DHODH: variants seen among roughly 807,000 people sequenced by gnomAD.
The protein encoded by DHODH is dihydroorotate dehydrogenase (quinone), mitochondrial.
A neutral mutation model predicts 39.7 loss-of-function variants in DHODH; 30 were observed. The observed-to-expected ratio is 0.76, with a 90% CI of 0.57 to 1.02. The LOEUF (loss-of-function observed/expected upper bound fraction) is 1.02. Ranked by LOEUF, DHODH falls within the 50% of genes least tolerant of loss-of-function variation. DHODH has a pLI of 0.00. For synonymous variants in DHODH, 222 were observed against 213.8 expected (o/e 1.04, Z -0.34); for missense variants, 531 against 520.8 (o/e 1.02, Z -0.19).
At chr16:72,023,117 G>T in intron 6 of DHODH, 48 bp from the exon 7 acceptor site, 1 of 1,610,006 alleles carries the variant, frequency 6.2e-7, no homozygotes, top group Non-Finnish European at 8.5e-7. Flanking sequence ...GCGCCTCTGG[G>T]TCCTTCGGTG....
At chr16:72,009,304 C>A (rs2143964999) in intron 1 of DHODH, among the ~76,000 whole-genome samples, 1 of 150,422 alleles carries the variant, frequency 6.6e-6, no homozygotes, top group Non-Finnish European at 1.5e-5. Context: ...GAGATCGAGA[C>A]CATCCTGGCT....
intron 3 of DHODH, chr16:72,015,751 A>G (rs747276195): frequency 6.1e-6 from 6 of 985,426 alleles, no homozygotes; most frequent in Non-Finnish European, 7.2e-6. Context: ...TGCTACAGAT[A>G]ACTGCAGGTG....
intron 1 of DHODH, 28 bp from the exon 2 acceptor site, chr16:72,012,022 G>C (rs757996576): frequency 6.2e-7 from 1 of 1,607,478 alleles, no homozygotes; most frequent in African/African-American, 1.3e-5. Context: ...TGGCCTGGGG[G>C]ACCCCCCTAA....
intron 6 of DHODH, 32 bp from the exon 7 acceptor site, chr16:72,023,133 A>C (rs1200629784): frequency 6.2e-7 from 1 of 1,613,090 alleles, no homozygotes. Flanking sequence ...CGGTGCTATG[A>C]CTCATGGCTT....
rs1276695710 is a variant in DHODH at position 72,024,318 on chromosome 16, G to A, written c.*119G>A. The stretch of plus-strand genomic sequence containing the variant: ...AGCCATGTCCCCCAGCCATGGCATG[G>A]CTGCACTGTAAACGCCAATCGGGGG... On this transcript the variant is annotated 3_prime_UTR_variant, in exon 9 of 9. Coordinates refer to ENST00000219240, the MANE Select transcript of DHODH (RefSeq NM_001361.5). 1.8e-6 allele frequency: 2 copies of A among 1,134,988 alleles called. No homozygotes were observed. The highest frequency in any genetic ancestry group is 2.6e-6 in the Non-Finnish European group (2 of 757,910). The allele number at this position is 1,134,988 out of a possible 1,614,324, so 70.3% of individuals were successfully genotyped here. A position where few individuals can be genotyped will look rare whatever the true frequency, so the allele number is the denominator to read the frequency against.
chr16:72,009,135 C>A, intron 1 of DHODH: 1 of 1,197,978 alleles, frequency 8.3e-7, no homozygotes. Context: ...GGACATGCTC[C>A]CAACCCTTTT....
At chr16:72,009,233 G>A (rs896035373) in intron 1 of DHODH, 2 of 738,892 alleles carry the variant, frequency 2.7e-6, no homozygotes, top group African/African-American at 3.8e-5. Context: ...GCCGGGCGCG[G>A]TGGCTCACGC....
At chr16:72,023,702 G>A in intron 8 of DHODH, 69 bp downstream of exon 8, 10 of 1,586,112 alleles carry the variant, frequency 6.3e-6, no homozygotes, top group South Asian at 1.1e-5. Context: ...TCAAGTCAAC[G>A]AGATACTGTT....
Position 72,014,591 on chromosome 16 carries a change from G to T in DHODH, c.353G>T (p.Gly118Val). The T allele has an allele frequency of 6.2e-7, 1 of 1,614,166 alleles. No individual in the cohort carries two copies. The highest frequency in any genetic ancestry group is 8.5e-7 in the Non-Finnish European group (1 of 1,180,028). ...YKMGFGFVEI[G>V]SVTPKPQEGN... ...ATGGGCTTTGGTTTTGTTGAGATAGGAAGTGTGACTCCAAAACCTCAGGAA... is the reference window on the plus strand; with the variant it reads ...ATGGGCTTTGGTTTTGTTGAGATAGTAAGTGTGACTCCAAAACCTCAGGAA... The change falls in exon 3 of 9, where the codon GGA (glycine) becomes GTA (valine). Residue 118 changes from glycine (G) to valine (V), a missense_variant. Coordinates refer to ENST00000219240, the MANE Select transcript of DHODH (RefSeq NM_001361.5).
At chr16:72,009,445 G>A (rs187293195) in intron 1 of DHODH, among the ~76,000 whole-genome samples, 1 of 133,478 alleles carries the variant, frequency 7.5e-6, no homozygotes, top group Non-Finnish European at 1.6e-5. Context: ...GGAGCTTGCA[G>A]TGAGCCGAGA....
chr16:72,009,330 C>T (rs1417949970), intron 1 of DHODH, among the ~76,000 whole-genome samples: 1 of 149,756 alleles, frequency 6.7e-6, no homozygotes, highest in East Asian at 2.0e-4. Context: ...GGTGAAACCC[C>T]GTCTCTACTA....
Position 72,022,386 on chromosome 16 carries a change from C to T in DHODH, c.730C>T (p.Arg244Trp), listed in dbSNP as rs267606768. Residue 244 changes from arginine to tryptophan, a missense_variant, in exon 6 of 9, where the codon CGG becomes TGG. Physicochemically the swap from Arg to Trp is moderately radical, Grantham distance 101. Coordinates refer to ENST00000219240, the MANE Select transcript of DHODH (RefSeq NM_001361.5). ...TKVLQERDGL[R>W]RVHRPAVLVK... Reference sequence around the variant, plus strand: ...GGTGCTGCAGGAGAGGGATGGCTTGCGGAGAGTGCACAGGCCGGCAGTCCT... The same window carrying T: ...GGTGCTGCAGGAGAGGGATGGCTTGTGGAGAGTGCACAGGCCGGCAGTCCT... The T allele has an allele frequency of 1.2e-5, 18 of 1,554,930 alleles. No homozygotes were observed. The highest frequency in any genetic ancestry group is 3.6e-5 in the South Asian group (3 of 84,236).
chr16:72,023,102 G>C lies in DHODH; in HGVS notation c.820-63G>C. The stretch of plus-strand genomic sequence containing the variant: ...GCCCGGCTGCTGCCTTCGACCTCCA[G>C]AGAAGCGCCTCTGGGTCCTTCGGTG... On this transcript the variant is annotated intron_variant, in intron 6 of 8. Coordinates refer to ENST00000219240, the MANE Select transcript of DHODH (RefSeq NM_001361.5). 6.3e-7 allele frequency: 1 copy of C among 1,596,244 alleles called. No homozygotes were observed. Among genetic ancestry groups the C allele is most frequent in the Non-Finnish European group, 8.6e-7 (1 of 1,166,892 alleles).
chr16:72,009,025 G>A, intron 1 of DHODH: 1 of 1,427,276 alleles, frequency 7.0e-7, no homozygotes, highest in Non-Finnish European at 9.2e-7. Context: ...CTGAGTGTCT[G>A]CGCCTGGGCC....
At chr16:72,009,861 A>C (rs1218994081) in intron 1 of DHODH, among the ~76,000 whole-genome samples, 2 of 152,064 alleles carry the variant, frequency 1.3e-5, no homozygotes, top group Non-Finnish European at 2.9e-5. Context: ...TGAGCCTCCC[A>C]AAGTGCTGGG....
intron 5 of DHODH, 63 bp downstream of exon 5, chr16:72,021,374 T>C: frequency 1.3e-6 from 2 of 1,519,712 alleles, no homozygotes; most frequent in Non-Finnish European, 1.8e-6. Context: ...CTCCCCTTCA[T>C]TCTCCAGGGC....
rs1300248211 is a variant in DHODH, at chr16:72,014,574, T to C, written c.336T>C (p.Phe112=). The change falls in exon 3 of 9, where the codon TTT becomes TTC. Residue 112 remains phenylalanine (F), a synonymous_variant. Coordinates refer to ENST00000219240, the MANE Select transcript of DHODH (RefSeq NM_001361.5). ...EAVDGLYKMG[F]GFVEIGSVTP... is the part of the protein sequence containing the mutation. ...TGGACGGACTTTATAAGATGGGCTT[T>C]GGTTTTGTTGAGATAGGAAGTGTGA... The C allele has an allele frequency of 1.9e-6, 3 of 1,614,100 alleles. No homozygotes were observed. The South Asian group carries it at 3.3e-5, about 18-fold the overall frequency.
chr16:72,021,857 G>A (rs2143998439), intron 5 of DHODH, among the ~76,000 whole-genome samples: 1 of 152,214 alleles, frequency 6.6e-6, no homozygotes, highest in Non-Finnish European at 1.5e-5. Flanking sequence ...CAGCTACTTG[G>A]AGGCCGAGGC....
At chr16:72,008,843 C>T (rs2041049125) in intron 1 of DHODH, 58 bp downstream of exon 1, 1 of 1,551,948 alleles carries the variant, frequency 6.4e-7, no homozygotes, top group South Asian at 1.2e-5. Flanking sequence ...AGGGCGAGAA[C>T]GGAGAGTCAG....
Sources: gnomAD v4.1 joint callset for allele counts (sites outside exome capture counted in the v4.1 genomes callset) on GRCh38, gnomAD v4.1.1 for gene constraint, MANE v1.5 for transcripts, NCBI Gene and HGNC (gene_info 2026-07-23, HGNC 2026-07-21) for gene names.